Variants in HPCAL4 observed in about 807,000 individuals in gnomAD.
The protein encoded by HPCAL4 is hippocalcin-like protein 4.
A neutral mutation model predicts 18.2 loss-of-function variants in HPCAL4; 16 were observed. The ratio of observed to expected loss-of-function variants is 0.88; its 90% confidence interval spans 0.59 to 1.33. The LOEUF is 1.33. Among genes scored for constraint, HPCAL4 ranks in the 40% most tolerant of loss-of-function variants. The probability of loss-of-function intolerance (pLI) is 0.00; values close to 1 mark genes in which losing one functional copy is unlikely to be tolerated. For synonymous variants in HPCAL4, 80 were observed against 97.5 expected, an observed-to-expected ratio of 0.82 and a Z score of 1.06; for missense variants, 214 against 256.6, an observed-to-expected ratio of 0.83 and a Z score of 1.14.
intron 3 of HPCAL4, among the ~76,000 whole-genome samples, chr1:39,683,171 A>G (rs1300777640): frequency 6.6e-6 from 1 of 152,226 alleles, no homozygotes; most frequent in African/African-American, 2.4e-5. Flanking sequence ...GGCGTGAGCC[A>G]CCACGCCCAG....
At chr1:39,683,817 G>A (rs1646647756) in intron 3 of HPCAL4, 120 bp downstream of exon 3, 1 of 839,200 alleles carries the variant, frequency 1.2e-6, no homozygotes, top group Non-Finnish European at 1.9e-6. Context: ...GGTGGTAGGA[G>A]GCGGGATCGC....
chr1:39,691,074 G>A (rs1367103004), intron 1 of HPCAL4: 4 of 152,706 alleles, frequency 2.6e-5, no homozygotes, highest in Non-Finnish European at 5.8e-5. Flanking sequence ...CCTGAGCTGG[G>A]GATAAGTAGG....
chr1:39,682,946 C>T (rs2310801), intron 3 of HPCAL4, among the ~76,000 whole-genome samples: 71,370 of 151,734 alleles, frequency 0.47, 16,930 homozygotes, highest in Admixed American at 0.56. Flanking sequence ...TGCAATGGCG[C>T]GATCTCGGCT....
At position 39,680,949 on chromosome 1, in the gene HPCAL4, C is replaced by T. The variant is rs918156918; in HGVS notation, c.*1587G>A. On this transcript the variant is annotated 3_prime_UTR_variant, in exon 4 of 4. Coordinates refer to ENST00000372844, the MANE Select transcript of HPCAL4 (RefSeq NM_016257.4). ...GCTCAGCAATCATTTCCTGCTCCCA[C>T]CCTGGGCTGACAGCACCTGTGTACT... 1 of 152,666 alleles carries T rather than the reference C, an allele frequency of 6.6e-6. No homozygotes were observed. The highest frequency in any genetic ancestry group is 1.5e-5 in the Non-Finnish European group (1 of 68,048). 9.5% of individuals were successfully genotyped at this position (152,666 alleles called of 1,614,324 possible). A position where few individuals can be genotyped will look rare whatever the true frequency, so the allele number is the denominator to read the frequency against.
intron 1 of HPCAL4, among the ~76,000 whole-genome samples, chr1:39,689,154 A>G (rs756205465): frequency 1.3e-4 from 20 of 152,162 alleles, no homozygotes; most frequent in Non-Finnish European, 1.6e-4. Flanking sequence ...TATTTTTCCC[A>G]TGGGGAAAAT....
intron 1 of HPCAL4, among the ~76,000 whole-genome samples, chr1:39,688,431 T>G (rs1005653024): frequency 6.6e-6 from 1 of 152,204 alleles, no homozygotes; most frequent in Non-Finnish European, 1.5e-5. Context: ...CAAGTCCTGT[T>G]GTCTCTTATT....
intron 1 of HPCAL4, among the ~76,000 whole-genome samples, chr1:39,685,553 G>C (rs773231781): frequency 6.6e-6 from 1 of 152,148 alleles, no homozygotes; most frequent in Non-Finnish European, 1.5e-5. Context: ...AGGCAATACA[G>C]TGACACCTAG....
At chr1:39,687,560 T>C (rs1646685470) in intron 1 of HPCAL4, among the ~76,000 whole-genome samples, 1 of 152,152 alleles carries the variant, frequency 6.6e-6, no homozygotes, top group Non-Finnish European at 1.5e-5. Flanking sequence ...ATACCCCTTT[T>C]CTCCTCCCTG....
rs1209464222 is a variant in HPCAL4, at chr1:39,684,634, C to T, written c.-8-23G>A. The T allele has an allele frequency of 7.8e-6, 12 of 1,544,346 alleles. No individual in the cohort carries two copies. In the Middle Eastern group the frequency reaches 5.9e-4, roughly 76 times the overall value. ...GGCCTGTGGGACAGAGGGATTCCTC[C>T]GACTGGGTCCAGGGAAAGGCCCTGC... On this transcript the variant is annotated intron_variant, in intron 1 of 3. Coordinates refer to ENST00000372844, the MANE Select transcript of HPCAL4 (RefSeq NM_016257.4).
At position 39,682,806 on chromosome 1, in the gene HPCAL4, ATC is replaced by A. The variant is rs1325384973; in HGVS notation, c.379-75_379-74del. 7 of 1,201,496 alleles carry A rather than the reference ATC, an allele frequency of 5.8e-6. No individual in the cohort carries two copies. In the African/African-American group the frequency reaches 8.9e-5, roughly 15 times the overall value. The allele number at this position is 1,201,496 out of a possible 1,614,324, so 74.4% of individuals were successfully genotyped here. A position where few individuals can be genotyped will look rare whatever the true frequency, so the allele number is the denominator to read the frequency against. ...GAGAAGCAGCGGGTGAAGGAAAGGGATCTGGCAGGGAGAACACTGGGGGTTGG... is the reference window on the plus strand; with the variant it reads ...GAGAAGCAGCGGGTGAAGGAAAGGGATGGCAGGGAGAACACTGGGGGTTGG... On this transcript the variant is annotated intron_variant, in intron 3 of 3. Coordinates refer to ENST00000372844, the MANE Select transcript of HPCAL4 (RefSeq NM_016257.4).
In HPCAL4 at chr1:39,682,749, G is replaced by C. The variant is rs1646637457; in HGVS notation, c.379-16C>G. 1.2e-6 allele frequency: 2 copies of C among 1,613,036 alleles called. No individual in the cohort carries two copies. The highest frequency in any genetic ancestry group is 1.7e-6 in the Non-Finnish European group (2 of 1,179,622). On this transcript the variant is annotated splice_polypyrimidine_tract_variant and intron_variant, in intron 3 of 3. Coordinates refer to ENST00000372844, the MANE Select transcript of HPCAL4 (RefSeq NM_016257.4). The stretch of plus-strand genomic sequence containing the variant: ...TGTAGATTGCCTGGTGAGGGAAGGA[G>C]GAGGGAGGTGTGAACACCCACAAGG...
Position 39,683,949 on chromosome 1 carries a change from C to T in HPCAL4, c.366G>A (p.Leu122=). The T allele has an allele frequency of 1.2e-6, 2 of 1,613,582 alleles. No homozygotes were observed. The highest frequency in any genetic ancestry group is 3.3e-4 in the Middle Eastern group (2 of 6,054). ...CGCGGCCCCGCACCTCGATGATCTC[C>T]AGCATCTCCAGGCGCGTGATGCGCC... ...GDGRITRLEM[L]EIIEAIYKMV... Residue 122 remains leucine, a synonymous_variant, in exon 3 of 4, where the codon CTG becomes CTA. Coordinates refer to ENST00000372844, the MANE Select transcript of HPCAL4 (RefSeq NM_016257.4).
In HPCAL4 at chr1:39,682,631, C is replaced by T. The variant is rs759955072; in HGVS notation, c.481G>A (p.Asp161Asn). ...VDKIFKKMDQDKDDQITLEEF... is the reference protein window; with the variant it reads ...VDKIFKKMDQNKDDQITLEEF... ...TCCAATGTAATCTGGTCGTCCTTATCCTGGTCCATCTTCTTGAAGATCTTG... is the reference window on the plus strand; with the variant it reads ...TCCAATGTAATCTGGTCGTCCTTATTCTGGTCCATCTTCTTGAAGATCTTG... Residue 161 changes from aspartate to asparagine, a missense_variant, in exon 4 of 4, where the codon GAT (aspartate) becomes AAT (asparagine). Asp to Asn is a conservative substitution (Grantham distance 23). Transcript: ENST00000372844. The T allele has an allele frequency of 3.7e-6, 6 of 1,614,248 alleles. No individual in the cohort carries two copies. The South Asian group carries it at 5.5e-5, about 15-fold the overall frequency.
At chr1:39,686,157 G>A (rs1646672943) in intron 1 of HPCAL4, among the ~76,000 whole-genome samples, 1 of 149,916 alleles carries the variant, frequency 6.7e-6, no homozygotes, top group South Asian at 2.1e-4. Context: ...CTCCAGCCTG[G>A]GCGACAGAGT....
At chr1:39,686,329 C>T (rs979132335) in intron 1 of HPCAL4, among the ~76,000 whole-genome samples, 21 of 151,996 alleles carry the variant, frequency 1.4e-4, no homozygotes, top group South Asian at 2.1e-4. Flanking sequence ...ACAGCCTGGG[C>T]GATAAAGAAA....
Position 39,682,111 on chromosome 1 carries a change from C to G in HPCAL4, c.*425G>C, listed in dbSNP as rs1646631247. The G allele has an allele frequency of 4.9e-6, 1 of 202,206 alleles. No homozygotes were observed. Among genetic ancestry groups the G allele is most frequent in the Admixed American group, 5.3e-5 (1 of 18,818 alleles). The allele number at this position is 202,206 out of a possible 1,614,324, so 12.5% of individuals were successfully genotyped here. The stretch of plus-strand genomic sequence containing the variant: ...GTAGAAGGGATGGGGAAGAGACCCC[C>G]TTTATGGGATCTGGAGCCTCAGGAA... On this transcript the variant is annotated 3_prime_UTR_variant, in exon 4 of 4. Coordinates refer to ENST00000372844, the MANE Select transcript of HPCAL4 (RefSeq NM_016257.4).
At chr1:39,682,803 G>A (rs1646638121) in intron 3 of HPCAL4, 70 bp from the exon 4 acceptor site, 1 of 1,251,496 alleles carries the variant, frequency 8.0e-7, no homozygotes, top group Non-Finnish European at 1.2e-6. Flanking sequence ...GTGAAGGAAA[G>A]GGATCTGGCA....
intron 3 of HPCAL4, 137 bp downstream of exon 3, chr1:39,683,800 G>T: frequency 2.7e-6 from 2 of 751,920 alleles, no homozygotes; most frequent in Non-Finnish European, 4.4e-6. Context: ...GCCCGGGCCT[G>T]TAGCGGGGTG....
In HPCAL4 at chr1:39,682,708, AC is replaced by A; in HGVS notation, c.403del (p.Val135Ter). The A allele has an allele frequency of 6.2e-7, 1 of 1,614,142 alleles. No homozygotes were observed. The highest frequency in any genetic ancestry group is 1.1e-5 in the South Asian group (1 of 91,070). On this transcript the variant is annotated frameshift_variant, in exon 4 of 4. Coordinates refer to ENST00000372844, the MANE Select transcript of HPCAL4 (RefSeq NM_016257.4). LOFTEE classifies it high-confidence loss of function. ...GTCCTGGTTCATGCGCATCATGATC[AC>A]GGTGCCCACCATCTTGTAGATTGCC... is the stretch of plus-strand genomic sequence containing the variant. ...IEAIYKMVGTVIMMRMNQDGL... is the reference protein window; with the variant it reads ...IEAIYKMVGTXIMMRMNQDGL...
Sources: allele counts gnomAD v4.1 joint callset (sites outside exome capture counted in the v4.1 genomes callset), GRCh38; gene constraint gnomAD v4.1.1; transcripts MANE v1.5; gene names NCBI Gene and HGNC (gene_info 2026-07-23, HGNC 2026-07-21).